NFIA: variants seen among roughly 807,000 people sequenced by gnomAD.
NFIA encodes nuclear factor I A.
In NFIA, 8 loss-of-function variants were observed where a neutral mutation model predicts 62.8. That is an observed-to-expected ratio of 0.13 (90% confidence interval 0.07 to 0.23). The LOEUF is 0.23. Among genes scored for constraint, NFIA ranks in the 10% least tolerant of loss-of-function variants. The pLI is 1.00. For synonymous variants in NFIA, 235 were observed against 238.1 expected (o/e 0.99, Z 0.12); for missense variants, 410 against 642.1 (o/e 0.64, Z 3.91).
intron 2 of NFIA, among the ~76,000 whole-genome samples, chr1:61,126,835 A>AGT (rs1646982675): frequency 8.0e-6 from 1 of 124,724 alleles, no homozygotes. Context: ...CCCAGGCTGG[A>AGT]GTGCAGTGGT....
intron 2 of NFIA, among the ~76,000 whole-genome samples, chr1:61,170,164 T>C (rs945594822): frequency 6.6e-6 from 1 of 152,194 alleles, no homozygotes; most frequent in Non-Finnish European, 1.5e-5. Flanking sequence ...CATAGACAAC[T>C]GTCTGACTGC....
At chr1:61,081,787 A>G (rs1380886809), upstream of NFIA, 2 of 1,345,830 alleles carry the variant, frequency 1.5e-6, no homozygotes, top group South Asian at 1.4e-5. Context: ...GAAGCTGCAC[A>G]AAGTTTGCAG....
At chr1:61,395,674 C>A (rs540747422) in intron 7 of NFIA, among the ~76,000 whole-genome samples, 2 of 152,238 alleles carry the variant, frequency 1.3e-5, no homozygotes, top group South Asian at 4.1e-4. Flanking sequence ...TGTTGCGTGG[C>A]GTTTGAACAC....
chr1:61,308,660 A>C (rs1659931263), intron 3 of NFIA, among the ~76,000 whole-genome samples: 1 of 152,170 alleles, frequency 6.6e-6, no homozygotes, highest in South Asian at 2.1e-4. Context: ...GTCCTTTTCT[A>C]GTAGTGTGAC....
intron 2 of NFIA, among the ~76,000 whole-genome samples, chr1:61,167,409 T>TG (rs1470195988): frequency 1.3e-5 from 2 of 152,188 alleles, no homozygotes; most frequent in Non-Finnish European, 2.9e-5. Flanking sequence ...GCTATTAAAA[T>TG]TTGCTATCTT....
chr1:61,319,803 ACACACAC>A (rs1268027400), intron 3 of NFIA, among the ~76,000 whole-genome samples: 1 of 144,020 alleles, frequency 6.9e-6, no homozygotes, highest in Non-Finnish European at 1.5e-5. Context: ...ACACACACAC[ACACACAC>A]ACACACACAC....
At chr1:61,424,399 T>C (rs1315568921) in intron 9 of NFIA, among the ~76,000 whole-genome samples, 1 of 152,072 alleles carries the variant, frequency 6.6e-6, no homozygotes, top group African/African-American at 2.4e-5. Context: ...ATGCTTGTTT[T>C]GGATGTCCCC....
chr1:61,313,201 C>T (rs561761784), intron 3 of NFIA, among the ~76,000 whole-genome samples: 1 of 152,242 alleles, frequency 6.6e-6, no homozygotes, highest in South Asian at 2.1e-4. Flanking sequence ...TTTGATGAAC[C>T]ACACTATTAG....
chr1:61,324,767 C>T (rs1014559252), intron 3 of NFIA, among the ~76,000 whole-genome samples: 2 of 152,186 alleles, frequency 1.3e-5, no homozygotes, highest in African/African-American at 2.4e-5. Context: ...CATGTAATGG[C>T]ATTTTCCATA....
chr1:61,095,815 G>A (rs1215036978), intron 2 of NFIA, among the ~76,000 whole-genome samples: 1 of 152,150 alleles, frequency 6.6e-6, no homozygotes, highest in Non-Finnish European at 1.5e-5. Flanking sequence ...AGAAGCCTTT[G>A]TGTATTAAAC....
At position 61,341,098 on chromosome 1, in the gene NFIA, C is replaced by G. The variant is rs144760935; in HGVS notation, c.700+8512C>G. Among the ~76,000 whole-genome samples, 1,247 of 133,838 alleles carry G rather than the reference C, an allele frequency of 9.3e-3. 27 individuals carry two copies. The highest frequency in any genetic ancestry group is 0.033 in the African/African-American group (1,185 of 35,640). 87.8% of individuals were successfully genotyped at this position (133,838 alleles called of 152,430 possible). A position where few individuals can be genotyped will look rare whatever the true frequency, so the allele number is the denominator to read the frequency against. On this transcript the variant is annotated intron_variant, in intron 4 of 10. Transcript: ENST00000403491. ...TTTTTTTTTGAGATGGAGTCTCGCTCTGTCACCCAGGCTGGAGTGCAGTGG... is the reference window on the plus strand; with the variant it reads ...TTTTTTTTTGAGATGGAGTCTCGCTGTGTCACCCAGGCTGGAGTGCAGTGG...
At chr1:61,219,737 G>A (rs546043461) in intron 2 of NFIA, among the ~76,000 whole-genome samples, 14 of 110,434 alleles carry the variant, frequency 1.3e-4, no homozygotes, top group African/African-American at 5.5e-4. Flanking sequence ...GAAAAAAGGC[G>A]GGCGGATCAC....
intron 2 of NFIA, among the ~76,000 whole-genome samples, chr1:61,184,598 G>A (rs944927083): frequency 6.6e-6 from 1 of 152,228 alleles, no homozygotes; most frequent in Non-Finnish European, 1.5e-5. Context: ...CTTCTCTGCT[G>A]AGAAACTGGT....
rs1646251847 is a variant in NFIA at position 61,088,115 on chromosome 1, C to T, written c.28-34C>T. On this transcript the variant is annotated intron_variant, in intron 1 of 10. Transcript: ENST00000403491. The surrounding 1 kb of genome is among the most constrained non-coding windows in gnomAD (Gnocchi z 4.5). ...AAAGTTGTTTTCTTTTGTTTTCATT[C>T]TACTTATATTTTTCTTTTTGTTCAT... The T allele has an allele frequency of 6.5e-7, 1 of 1,544,862 alleles. No individual in the cohort carries two copies. Among genetic ancestry groups the T allele is most frequent in the Non-Finnish European group, 8.7e-7 (1 of 1,149,398 alleles).
At chr1:61,355,526 C>A (rs970835161) in intron 5 of NFIA, among the ~76,000 whole-genome samples, 2 of 152,182 alleles carry the variant, frequency 1.3e-5, no homozygotes, top group African/African-American at 4.8e-5. Flanking sequence ...TCCACCTGTG[C>A]TTCCTAACTT....
intron 9 of NFIA, among the ~76,000 whole-genome samples, chr1:61,423,684 T>C (rs1666738384): frequency 6.6e-6 from 1 of 152,184 alleles, no homozygotes; most frequent in African/African-American, 2.4e-5. Flanking sequence ...ATGTGGTTGT[T>C]TTAACAAAAA....
rs117454492 is a variant in NFIA at position 61,379,727 on chromosome 1, A to T, written c.947-3510A>T. ...GGCCTCAGCTAACTTTTAAAAATTAATTTTTTGTAGAGATAAGGTCTCACT... is the reference window on the plus strand; with the variant it reads ...GGCCTCAGCTAACTTTTAAAAATTATTTTTTTGTAGAGATAAGGTCTCACT... On this transcript the variant is annotated intron_variant, in intron 6 of 10. Coordinates refer to ENST00000403491, the MANE Select transcript of NFIA (RefSeq NM_001134673.4). Among the ~76,000 whole-genome samples the T allele has an allele frequency of 9.4e-4, 143 of 151,884 alleles. 1 individual carries two copies. In the East Asian group the frequency reaches 0.027, roughly 29 times the overall value.
intron 4 of NFIA, among the ~76,000 whole-genome samples, chr1:61,339,155 A>G (rs980413332): frequency 6.6e-6 from 1 of 152,214 alleles, no homozygotes; most frequent in African/African-American, 2.4e-5. Context: ...GTGGTTAGCT[A>G]TGTTTATAAA....
At chr1:61,447,930 C>T (rs765826466) in intron 10 of NFIA, among the ~76,000 whole-genome samples, 7 of 152,132 alleles carry the variant, frequency 4.6e-5, no homozygotes, top group South Asian at 2.1e-4. Flanking sequence ...TAAAAAAGAG[C>T]TGTTGATCAA....
Sources: allele counts gnomAD v4.1 joint callset (sites outside exome capture counted in the v4.1 genomes callset), GRCh38; gene constraint gnomAD v4.1.1; non-coding constraint Gnocchi (gnomAD v3.1); transcripts MANE v1.5; gene names NCBI Gene and HGNC (gene_info 2026-07-23, HGNC 2026-07-21).